HERC3: variants seen among roughly 807,000 people sequenced by gnomAD.
HERC3 encodes the protein HECT and RLD domain containing E3 ubiquitin protein ligase 3.
In HERC3, 58 loss-of-function variants were observed where a neutral mutation model predicts 129.9. That is an observed-to-expected ratio of 0.45 (90% CI 0.36 to 0.56). HERC3 has a LOEUF of 0.56. HERC3 is among the 20% of genes least tolerant of loss of function. The pLI is 0.00. For missense variants in HERC3, 835 were observed against 1,244.2 expected (o/e 0.67, Z 4.95); for synonymous variants, 430 against 451.0 (o/e 0.95, Z 0.59).
rs1381347503 is a variant in HERC3 at position 88,658,341 on chromosome 4, C to A, written c.1070-74C>A. ...GGTACCCACTCTGAAGTGTATTCTG[C>A]GACAGTAGAAAAGGGGATCAAGGAG... is the stretch of plus-strand genomic sequence containing the variant. On this transcript the variant is annotated intron_variant, in intron 9 of 25. Transcript: ENST00000402738. The A allele has an allele frequency of 7.9e-6, 6 of 758,172 alleles. No homozygotes were observed. The East Asian group carries it at 1.3e-4, about 16-fold the overall frequency. The allele number at this position is 758,172 out of a possible 1,614,324, so 47.0% of individuals were successfully genotyped here.
At chr4:88,534,128 A>T in the HERC3 span, among the ~76,000 whole-genome samples, 1 of 152,264 alleles carries the variant, frequency 6.6e-6, no homozygotes, top group Admixed American at 6.5e-5. Flanking sequence ...GACTAGGATC[A>T]TACTGAATAG....
chr4:88,546,611 C>T, the HERC3 span, among the ~76,000 whole-genome samples: 92 of 151,678 alleles, frequency 6.1e-4, no homozygotes, highest in African/African-American at 1.7e-3. Flanking sequence ...CTGGGTTTAA[C>T]TGATTTTCCC....
chr4:88,697,803 G>A, intron 23 of HERC3: 8 of 1,533,342 alleles, frequency 5.2e-6, no homozygotes, highest in Non-Finnish European at 6.1e-6. Flanking sequence ...CAGAGGCCCT[G>A]CACCCGAGCT....
chr4:88,572,230 C>CCCAG, the HERC3 span, among the ~76,000 whole-genome samples: 21 of 151,784 alleles, frequency 1.4e-4, no homozygotes, highest in Non-Finnish European at 2.7e-4. Context: ...TGAAGACCAG[C>CCCAG]CCAGACAACA....
rs1729473051 is a variant in HERC3 at position 88,653,109 on chromosome 4, TG to T, written c.685+20del. On this transcript the variant is annotated intron_variant, in intron 6 of 25. Transcript: ENST00000402738. ...GAAAAAGGTAGGTAAACCCTTCATA[TG>T]TATGTATTTAGTTTAAAAGCACATT... 6.2e-7 allele frequency: 1 copy of T among 1,609,562 alleles called. No homozygotes were observed. The highest frequency in any genetic ancestry group is 8.5e-7 in the Non-Finnish European group (1 of 1,176,336).
chr4:88,568,387 G>A, the HERC3 span, among the ~76,000 whole-genome samples: 1 of 152,122 alleles, frequency 6.6e-6, no homozygotes, highest in Non-Finnish European at 1.5e-5. Context: ...CTCTGGCTTG[G>A]GATGGGTCCA....
the HERC3 span, among the ~76,000 whole-genome samples, chr4:88,586,937 G>A: frequency 6.6e-6 from 1 of 152,282 alleles, no homozygotes; most frequent in African/African-American, 2.4e-5. Context: ...CAAGCAATAA[G>A]ATTCTGTACA....
the HERC3 span, among the ~76,000 whole-genome samples, chr4:88,585,450 G>T: frequency 6.6e-6 from 1 of 151,180 alleles, no homozygotes; most frequent in South Asian, 2.1e-4. Flanking sequence ...TTCTTTTTGA[G>T]AAATGGACAA....
At chr4:88,701,751 TG>T (rs1445999143) in intron 23 of HERC3, among the ~76,000 whole-genome samples, 28 of 152,246 alleles carry the variant, frequency 1.8e-4, no homozygotes, top group South Asian at 4.1e-4. Flanking sequence ...GAATTTGATA[TG>T]TTTTTTTTAT....
the HERC3 span, among the ~76,000 whole-genome samples, chr4:88,569,350 G>A: frequency 6.6e-6 from 1 of 152,196 alleles, no homozygotes; most frequent in African/African-American, 2.4e-5. Flanking sequence ...ATGGGAGAGG[G>A]GTGGCATCTA....
intron 1 of HERC3, among the ~76,000 whole-genome samples, chr4:88,594,107 A>T (rs10084939): frequency 0.027 from 4,179 of 152,326 alleles, 94 homozygotes; most frequent in Middle Eastern, 0.068. Context: ...CATTAGCACT[A>T]GCATCCAGTT....
chr4:88,612,536 T>C (rs1198655897), intron 3 of HERC3, among the ~76,000 whole-genome samples: 3 of 152,054 alleles, frequency 2.0e-5, no homozygotes, highest in Non-Finnish European at 2.9e-5. Flanking sequence ...TAAACTCAAT[T>C]TCCAGCTTTA....
At chr4:88,693,887 A>G (rs950410808) in intron 23 of HERC3, among the ~76,000 whole-genome samples, 3 of 152,192 alleles carry the variant, frequency 2.0e-5, no homozygotes, top group Non-Finnish European at 4.4e-5. Context: ...TTTATGAATG[A>G]TAGTGTTTGA....
chr4:88,635,125 A>G (rs559291530), intron 3 of HERC3, among the ~76,000 whole-genome samples: 14 of 152,216 alleles, frequency 9.2e-5, no homozygotes, highest in African/African-American at 3.4e-4. Context: ...CTCTCCAGCA[A>G]GGGCGCAGAA....
intron 2 of HERC3, among the ~76,000 whole-genome samples, chr4:88,604,163 G>A (rs1425105263): frequency 6.6e-6 from 1 of 152,180 alleles, no homozygotes; most frequent in Admixed American, 6.5e-5. Context: ...TGGATTACAG[G>A]CATGCGCCAC....
At position 88,704,863 on chromosome 4, in the gene HERC3, C is replaced by CTTTCTTTTTTTTTTTTTTTTT. The variant is rs1336673525; in HGVS notation, c.2944+256_2944+257insCTTTTTTTTTTTTTTTTTTTT. On this transcript the variant is annotated intron_variant, in intron 25 of 25. Transcript: ENST00000402738. ...TCACTGATTTTTCTTTTCTTTCTTT[C>CTTTCTTTTTTTTTTTTTTTTT]TTTTTTTTTTTTTTTGAGACAGAGT... Among the ~76,000 whole-genome samples the CTTTCTTTTTTTTTTTTTTTTT allele has an allele frequency of 2.1e-4, 28 of 130,668 alleles. 1 individual carries two copies. Among genetic ancestry groups the CTTTCTTTTTTTTTTTTTTTTT allele is most frequent in the South Asian group, 1.4e-3 (5 of 3,666 alleles). The allele number at this position is 130,668 out of a possible 152,430, so 85.7% of individuals were successfully genotyped here.
intron 3 of HERC3, among the ~76,000 whole-genome samples, chr4:88,610,086 T>C (rs1023108111): frequency 1.3e-5 from 2 of 152,130 alleles, no homozygotes; most frequent in Non-Finnish European, 1.5e-5. Context: ...GCCCCTTTAC[T>C]GTAACCTGTT....
At chr4:88,564,957 C>T in the HERC3 span, among the ~76,000 whole-genome samples, 1 of 151,626 alleles carries the variant, frequency 6.6e-6, no homozygotes, top group Non-Finnish European at 1.5e-5. Context: ...TTTTAACTTC[C>T]TTCTTAATTT....
chr4:88,579,734 T>C, the HERC3 span, among the ~76,000 whole-genome samples: 1 of 152,180 alleles, frequency 6.6e-6, no homozygotes, highest in East Asian at 1.9e-4. Context: ...AACCTGTGCA[T>C]ATGTTTTTTT....
Sources: gnomAD v4.1 joint callset for allele counts (sites outside exome capture counted in the v4.1 genomes callset) on GRCh38, gnomAD v4.1.1 for gene constraint, MANE v1.5 for transcripts, NCBI Gene and HGNC (gene_info 2026-07-23, HGNC 2026-07-21) for gene names.